Variants in UBXN4 observed in about 807,000 individuals in gnomAD.
The protein encoded by UBXN4 is UBX domain protein 4, also known as UBX domain-containing protein 4.
A neutral mutation model predicts 66.2 loss-of-function variants in UBXN4; 35 were observed. That is an observed-to-expected ratio of 0.53 (90% confidence interval 0.40 to 0.70). The LOEUF (loss-of-function observed/expected upper bound fraction) is 0.70, where lower values mean the gene tolerates loss of function less well. Among genes scored for constraint, UBXN4 ranks in the 30% least tolerant of loss-of-function variants. The pLI is 0.00. For synonymous variants in UBXN4, 203 were observed against 204.5 expected, an observed-to-expected ratio of 0.99 and a Z score of 0.06; for missense variants, 533 against 599.8, an observed-to-expected ratio of 0.89 and a Z score of 1.16.
intron 10 of UBXN4, among the ~76,000 whole-genome samples, chr2:135,776,843 C>T (rs1381765966): frequency 6.6e-6 from 1 of 152,230 alleles, no homozygotes; most frequent in African/African-American, 2.4e-5. Context: ...TTCCTCCCAC[C>T]TCAGCCTCGC....
chr2:135,746,161 G>A (rs556701449), intron 1 of UBXN4, among the ~76,000 whole-genome samples: 4 of 152,076 alleles, frequency 2.6e-5, no homozygotes, highest in East Asian at 1.9e-4. Context: ...GCCCGACCCC[G>A]TTTACTTTTC....
At position 135,772,502 on chromosome 2, in the gene UBXN4, AG is replaced by A; in HGVS notation, c.907del (p.Ala303GlnfsTer40). 6.2e-7 allele frequency: 1 copy of A among 1,614,084 alleles called. No individual in the cohort carries two copies. The highest frequency in any genetic ancestry group is 8.5e-7 in the Non-Finnish European group (1 of 1,179,914). ...AAKAAALLAK[Q>X]AEMEVKRESY... is the part of the protein sequence containing the mutation. ...AAAGCTGCTGCCTTGCTAGCAAAAC[AG>A]GCAGAAATGGAAGTCAAGAGGGAAT... is the stretch of plus-strand genomic sequence containing the variant. On this transcript the variant is annotated frameshift_variant, in exon 9 of 13. Coordinates refer to ENST00000272638, the MANE Select transcript of UBXN4 (RefSeq NM_014607.4). LOFTEE classifies it high-confidence loss of function.
At chr2:135,759,864 A>AC (rs2077304775) in intron 5 of UBXN4, among the ~76,000 whole-genome samples, 1 of 143,316 alleles carries the variant, frequency 7.0e-6, no homozygotes, top group African/African-American at 2.5e-5. Context: ...CACCTCCCAA[A>AC]TTCAAGTGAT....
intron 2 of UBXN4, among the ~76,000 whole-genome samples, chr2:135,750,101 A>G (rs1306694156): frequency 6.6e-6 from 1 of 152,064 alleles, no homozygotes; most frequent in Admixed American, 6.5e-5. Flanking sequence ...TCTCTTTATG[A>G]TGTTAGCAGC....
rs1040419437 is a variant in UBXN4, at chr2:135,782,854, C to T, written c.1494C>T (p.Asn498=). The change falls in exon 13 of 13, where the codon AAC becomes AAT. Residue 498 remains asparagine, a synonymous_variant. Coordinates refer to ENST00000272638, the MANE Select transcript of UBXN4 (RefSeq NM_014607.4). Reference sequence around the variant, plus strand: ...AAGATGATGGTGAAGATGAAAACAACACTTGGAATGGAAATTCCACTCAAC... The same window carrying T: ...AAGATGATGGTGAAGATGAAAACAATACTTGGAATGGAAATTCCACTCAAC... The part of the protein sequence containing the change: ...RTQDDGEDEN[N]TWNGNSTQQM 9.9e-6 allele frequency: 16 copies of T among 1,613,788 alleles called. No individual in the cohort carries two copies. The highest frequency in any genetic ancestry group is 1.4e-5 in the Non-Finnish European group (16 of 1,179,830).
chr2:135,780,965 CTGT>C (rs1235895226), intron 12 of UBXN4, among the ~76,000 whole-genome samples: 35 of 152,388 alleles, frequency 2.3e-4, no homozygotes, highest in African/African-American at 7.9e-4. Context: ...TGGCTCACGC[CTGT>C]AATCCCAGCA....
intron 5 of UBXN4, among the ~76,000 whole-genome samples, chr2:135,755,938 G>T (rs954714556): frequency 2.0e-5 from 3 of 152,040 alleles, no homozygotes; most frequent in Non-Finnish European, 4.4e-5. Flanking sequence ...CTGCTATTGC[G>T]CTGCATGCTT....
chr2:135,742,080 C>T (rs1459168990), intron 1 of UBXN4, 69 bp downstream of exon 1: 11 of 1,536,164 alleles, frequency 7.2e-6, no homozygotes, highest in Non-Finnish European at 8.8e-6. Context: ...TCTTGTATAC[C>T]TCAGCCGCCG....
chr2:135,742,145 C>G (rs1024115107), intron 1 of UBXN4, 134 bp downstream of exon 1: 1 of 1,047,496 alleles, frequency 9.5e-7, no homozygotes, highest in African/African-American at 1.6e-5. Context: ...GCCACTACTA[C>G]CCCGCGCCCC....
intron 11 of UBXN4, 149 bp downstream of exon 11, chr2:135,779,228 T>A: frequency 2.3e-6 from 2 of 872,232 alleles, no homozygotes; most frequent in Middle Eastern, 3.7e-4. Context: ...AATTTATAAT[T>A]CCATTATCCT....
At chr2:135,781,699 A>G (rs1405599960) in intron 12 of UBXN4, among the ~76,000 whole-genome samples, 1 of 152,256 alleles carries the variant, frequency 6.6e-6, no homozygotes, top group Non-Finnish European at 1.5e-5. Context: ...GCTGAATCTT[A>G]AAACTCTTAC....
chr2:135,746,230 A>G (rs1360211485), intron 1 of UBXN4, among the ~76,000 whole-genome samples: 2 of 152,158 alleles, frequency 1.3e-5, no homozygotes, highest in African/African-American at 4.8e-5. Context: ...CTCACAAAAT[A>G]TATGCAAATA....
chr2:135,780,190 G>A lies in UBXN4; in HGVS notation c.1193G>A (p.Arg398Lys). 1.2e-6 allele frequency: 2 copies of A among 1,614,050 alleles called. No homozygotes were observed. Among genetic ancestry groups the A allele is most frequent in the African/African-American group, 1.3e-5 (1 of 75,004 alleles). Residue 398 changes from arginine to lysine, a missense_variant, in exon 12 of 13, where the codon AGA becomes AAA. Around this residue, in one of 2 missense-constraint regions of UBXN4, gnomAD observed 529 missense variants for 580.1 expected, o/e 0.91. Coordinates refer to ENST00000272638, the MANE Select transcript of UBXN4 (RefSeq NM_014607.4). ...TTGTTTATTAATTTCTAGGCAGGAA[G>A]ACCAACTGCATCCATTGTACACTCT... ...SASVVLLPAG[R>K]PTASIVHSSS...
At chr2:135,759,123 T>C (rs991674107) in intron 5 of UBXN4, among the ~76,000 whole-genome samples, 28 of 152,216 alleles carry the variant, frequency 1.8e-4, no homozygotes, top group African/African-American at 6.8e-4. Flanking sequence ...AATAACGAAC[T>C]CGAGGTACTC....
intron 5 of UBXN4, among the ~76,000 whole-genome samples, chr2:135,759,956 T>C (rs1165751973): frequency 6.6e-6 from 1 of 151,942 alleles, no homozygotes; most frequent in African/African-American, 2.4e-5. Context: ...TTAGTAGTGA[T>C]GAGGTTTCAC....
chr2:135,755,859 CAAT>C (rs1288388462), intron 5 of UBXN4, among the ~76,000 whole-genome samples, 168 bp downstream of exon 5: 1 of 151,992 alleles, frequency 6.6e-6, no homozygotes, highest in Non-Finnish European at 1.5e-5. Flanking sequence ...TGGCAGAAGA[CAAT>C]AAAGTCAGTG....
At chr2:135,760,972 G>A (rs561473576) in intron 5 of UBXN4, among the ~76,000 whole-genome samples, 46 of 152,246 alleles carry the variant, frequency 3.0e-4, no homozygotes, top group Admixed American at 1.4e-3. Flanking sequence ...CTGTAGTAAC[G>A]AAAATGCTTA....
In UBXN4 at chr2:135,783,921, C is replaced by CT. The variant is rs1298624665; in HGVS notation, c.*1035dup. ...CTAATGATGTTTGAAAACAGTTCCTCTGTTTTAGATTGGAAGATAGCACTC... is the reference window on the plus strand; with the variant it reads ...CTAATGATGTTTGAAAACAGTTCCTCTTGTTTTAGATTGGAAGATAGCACTC... On this transcript the variant is annotated 3_prime_UTR_variant, in exon 13 of 13. Coordinates refer to ENST00000272638, the MANE Select transcript of UBXN4 (RefSeq NM_014607.4). 6.6e-6 allele frequency: 1 copy of CT among 152,172 alleles called. No homozygotes were observed. Among genetic ancestry groups the CT allele is most frequent in the African/African-American group, 2.4e-5 (1 of 41,442 alleles). 9.4% of individuals were successfully genotyped at this position (152,172 alleles called of 1,614,324 possible).
chr2:135,743,574 A>G (rs566552056), intron 1 of UBXN4, among the ~76,000 whole-genome samples: 151 of 152,332 alleles, frequency 9.9e-4, no homozygotes, highest in African/African-American at 3.4e-3. Flanking sequence ...TTAACAGTCA[A>G]ATTTTTTAGT....
Sources: allele counts gnomAD v4.1 joint callset (sites outside exome capture counted in the v4.1 genomes callset), GRCh38; gene constraint gnomAD v4.1.1; regional missense constraint gnomAD v4.1.1; transcripts MANE v1.5; gene names NCBI Gene and HGNC (gene_info 2026-07-23, HGNC 2026-07-21).